Variants in SLC17A8 observed in about 807,000 individuals in gnomAD.
SLC17A8 encodes solute carrier family 17 member 8.
A neutral mutation model predicts 58.0 loss-of-function variants in SLC17A8; 31 were observed. The ratio of observed to expected loss-of-function variants is 0.53; its 90% CI spans 0.40 to 0.72. The LOEUF (loss-of-function observed/expected upper bound fraction) is 0.72. Among genes scored for constraint, SLC17A8 ranks in the 30% least tolerant of loss-of-function variants. The probability of loss-of-function intolerance (pLI) is 0.00; values close to 1 mark genes in which losing one functional copy is unlikely to be tolerated. For missense variants in SLC17A8, 655 were observed against 727.8 expected (o/e 0.90, Z 1.15); for synonymous variants, 228 against 249.0 (o/e 0.92, Z 0.79).
chr12:100,399,736 G>A (rs950357689), intron 5 of SLC17A8, among the ~76,000 whole-genome samples: 1 of 152,084 alleles, frequency 6.6e-6, no homozygotes, highest in African/African-American at 2.4e-5. Context: ...CAACACATGG[G>A]GATTACAATT....
chr12:100,410,434 G>T (rs1030254319), intron 9 of SLC17A8, among the ~76,000 whole-genome samples: 1 of 151,040 alleles, frequency 6.6e-6, no homozygotes, highest in Non-Finnish European at 1.5e-5. Flanking sequence ...GGCAGAGCTT[G>T]CAGTGAGCCA....
At chr12:100,408,922 A>C (rs1369845318) in intron 9 of SLC17A8, among the ~76,000 whole-genome samples, 5 of 152,244 alleles carry the variant, frequency 3.3e-5, no homozygotes, top group African/African-American at 1.2e-4. Flanking sequence ...TAAAGCCTAT[A>C]GTTTTAAAAG....
intron 3 of SLC17A8, among the ~76,000 whole-genome samples, 194 bp from the exon 4 acceptor site, chr12:100,393,175 G>A (rs1054140346): frequency 6.6e-6 from 1 of 152,154 alleles, no homozygotes; most frequent in African/African-American, 2.4e-5. Flanking sequence ...TGTTGGCCAG[G>A]CTGGTCTCAA....
intron 10 of SLC17A8, among the ~76,000 whole-genome samples, chr12:100,415,361 G>A (rs1218794221): frequency 1.3e-5 from 2 of 150,968 alleles, no homozygotes; most frequent in Admixed American, 6.6e-5. Flanking sequence ...AGCTACTGGG[G>A]AGGCTGAGGT....
At chr12:100,409,173 GT>G (rs1952848241) in intron 9 of SLC17A8, among the ~76,000 whole-genome samples, 1 of 151,642 alleles carries the variant, frequency 6.6e-6, no homozygotes. Context: ...ATGTATGTAT[GT>G]ATGTATGTAT....
intron 1 of SLC17A8, among the ~76,000 whole-genome samples, chr12:100,367,709 C>G (rs952121070): frequency 2.9e-4 from 44 of 152,268 alleles, no homozygotes; most frequent in Admixed American, 2.6e-3. Context: ...AGCCACCATG[C>G]TTGGCTAATT....
chr12:100,394,784 T>C (rs898879790), intron 4 of SLC17A8, among the ~76,000 whole-genome samples: 1 of 147,584 alleles, frequency 6.8e-6, no homozygotes, highest in African/African-American at 2.5e-5. Flanking sequence ...AATTATAACA[T>C]ATATACTAGT....
At chr12:100,390,028 C>T (rs1279835395) in intron 2 of SLC17A8, among the ~76,000 whole-genome samples, 2 of 151,960 alleles carry the variant, frequency 1.3e-5, no homozygotes, top group Non-Finnish European at 2.9e-5. Context: ...ACCATGTTGG[C>T]TAGGCTGGTC....
At chr12:100,403,910 A>G in intron 8 of SLC17A8, 128 bp from the exon 9 acceptor site, 3 of 1,027,710 alleles carry the variant, frequency 2.9e-6, no homozygotes, top group South Asian at 2.6e-5. Flanking sequence ...CCCAGCTCCC[A>G]CATAATTAGA....
intron 1 of SLC17A8, among the ~76,000 whole-genome samples, chr12:100,366,329 C>A (rs1268748393): frequency 6.6e-6 from 1 of 152,102 alleles, no homozygotes; most frequent in Non-Finnish European, 1.5e-5. Flanking sequence ...TCCAATTATA[C>A]ATGTGGGAAT....
rs375992741 is a variant in SLC17A8 at position 100,409,801 on chromosome 12, T to C, written c.1187-2969T>C. 9.9e-5 allele frequency among the ~76,000 whole-genome samples: 15 copies of C among 152,162 alleles called. No individual in the cohort carries two copies. In the East Asian group the frequency reaches 2.5e-3, roughly 25 times the overall value. On this transcript the variant is annotated intron_variant, in intron 9 of 11. Coordinates refer to ENST00000323346, the MANE Select transcript of SLC17A8 (RefSeq NM_139319.3). ...AAATATGTACAGGCATGAGATAGTA[T>C]TGTGTGGTTAGAAAACAGCTAATAG... is the stretch of plus-strand genomic sequence containing the variant.
chr12:100,419,973 A>G lies in SLC17A8; in HGVS notation c.1584A>G (p.Leu528=). ...EKCGIIDQDE[L]AEEIELNHES... is the part of the protein sequence containing the mutation. ...GTGGAATCATTGACCAGGACGAATT[A>G]GCTGAGGAGATAGAACTCAACCATG... The change falls in exon 12 of 12, where the codon TTA becomes TTG. Residue 528 remains leucine, a synonymous_variant. Transcript: ENST00000323346. 6.2e-7 allele frequency: 1 copy of G among 1,614,174 alleles called. No homozygotes were observed. The highest frequency in any genetic ancestry group is 8.5e-7 in the Non-Finnish European group (1 of 1,180,020).
At position 100,357,418 on chromosome 12, in the gene SLC17A8, C is replaced by T. The variant is rs747326620; in HGVS notation, c.27C>T (p.Phe9=). The T allele has an allele frequency of 1.2e-5, 19 of 1,613,098 alleles. No homozygotes were observed. The East Asian group carries it at 4.2e-4, about 36-fold the overall frequency. The change falls in exon 1 of 12, where the codon TTC becomes TTT. Residue 9 remains phenylalanine (F), a synonymous_variant. Transcript: ENST00000323346. MPFKAFDT[F]KEKILKPGKE... is the part of the protein sequence containing the mutation. ...TGCCTTTTAAAGCATTTGATACCTT[C>T]AAAGAAAAAATTCTGAAACCTGGGA...
At chr12:100,397,941 CAA>C (rs977464575) in intron 5 of SLC17A8, among the ~76,000 whole-genome samples, 10 of 124,958 alleles carry the variant, frequency 8.0e-5, no homozygotes, top group East Asian at 2.3e-4. Context: ...GACCCCGTCT[CAA>C]AAAAAAAAAA....
chr12:100,421,658 G>GTTTTTTTTTT lies in SLC17A8; in HGVS notation c.*1512_*1521dup, dbSNP rs59689031. ...TACTTGTAGCTTATTATTGTAAAGT[G>GTTTTTTTTTT]TTTTTTTTTTTTTTTTTTTTTTCTA... On this transcript the variant is annotated 3_prime_UTR_variant, in exon 12 of 12. Transcript: ENST00000323346. 3.2e-3 allele frequency: 350 copies of GTTTTTTTTTT among 109,680 alleles called. No individual in the cohort carries two copies. Among genetic ancestry groups the GTTTTTTTTTT allele is most frequent in the African/African-American group, 6.6e-3 (165 of 25,062 alleles). The allele number at this position is 109,680 out of a possible 1,614,324, so 6.8% of individuals were successfully genotyped here.
Position 100,357,185 on chromosome 12 carries a change from T to G in SLC17A8, c.-207T>G, listed in dbSNP as rs1592983005. ...CCCCTTGGACTCTTTTTTGGAGGGG[T>G]GGGGAGCAGAGAGAGGAGGGAGTTG... On this transcript the variant is annotated 5_prime_UTR_variant, in exon 1 of 12. Transcript: ENST00000323346. 2 of 537,722 alleles carry G rather than the reference T, an allele frequency of 3.7e-6. No individual in the cohort carries two copies. The highest frequency in any genetic ancestry group is 3.4e-6 in the Non-Finnish European group (1 of 297,026). The allele number at this position is 537,722 out of a possible 1,614,324, so 33.3% of individuals were successfully genotyped here.
intron 2 of SLC17A8, among the ~76,000 whole-genome samples, chr12:100,381,500 A>G (rs572075954): frequency 3.9e-5 from 6 of 151,964 alleles, no homozygotes; most frequent in African/African-American, 1.4e-4. Context: ...CCAGGCAAAG[A>G]GGGTGTGGTG....
chr12:100,373,272 T>C (rs1239679436), intron 1 of SLC17A8, among the ~76,000 whole-genome samples: 1 of 152,202 alleles, frequency 6.6e-6, no homozygotes, highest in African/African-American at 2.4e-5. Context: ...ATAGCTATTA[T>C]GGATAATTAA....
intron 1 of SLC17A8, among the ~76,000 whole-genome samples, chr12:100,369,757 C>CAGCT (rs1231151708): frequency 1.3e-5 from 2 of 152,212 alleles, no homozygotes; most frequent in Non-Finnish European, 2.9e-5. Flanking sequence ...AGATATTGGA[C>CAGCT]AGCTATAAAT....
Sources: gnomAD v4.1 joint callset for allele counts (sites outside exome capture counted in the v4.1 genomes callset) on GRCh38, gnomAD v4.1.1 for gene constraint, MANE v1.5 for transcripts, NCBI Gene and HGNC (gene_info 2026-07-23, HGNC 2026-07-21) for gene names.